SYN3: variants seen among roughly 807,000 people sequenced by gnomAD.
SYN3 encodes synapsin-3.
SYN3 carries 35 observed loss-of-function variants against 65.8 expected under a neutral mutation model. The ratio of observed to expected loss-of-function variants is 0.53; its 90% confidence interval spans 0.41 to 0.70. The LOEUF (loss-of-function observed/expected upper bound fraction) is 0.70, where lower values mean the gene tolerates loss of function less well. Among genes scored for constraint, SYN3 ranks in the 30% least tolerant of loss-of-function variants. The probability of loss-of-function intolerance (pLI) is 0.00; values close to 1 mark genes in which losing one functional copy is unlikely to be tolerated. For synonymous variants in SYN3, 270 were observed against 292.9 expected, an observed-to-expected ratio of 0.92 and a Z score of 0.80; for missense variants, 680 against 749.0, an observed-to-expected ratio of 0.91 and a Z score of 1.08.
rs116061752 is a variant in SYN3 at position 32,615,140 on chromosome 22, G to A, written c.712-18404C>T. Reference sequence around the variant, plus strand: ...AAGCTACAGATGGGAGGCCGGGTGCGAGTGGCTCATGCCTGTAATCCCAGC... The same window carrying A: ...AAGCTACAGATGGGAGGCCGGGTGCAAGTGGCTCATGCCTGTAATCCCAGC... On this transcript the variant is annotated intron_variant, in intron 6 of 13. Coordinates refer to ENST00000358763, the MANE Select transcript of SYN3 (RefSeq NM_003490.4). Among the ~76,000 whole-genome samples, 591 of 152,286 alleles carry A rather than the reference G, an allele frequency of 3.9e-3. 3 individuals carry two copies. The highest frequency in any genetic ancestry group is 0.013 in the African/African-American group (560 of 41,564).
intron 6 of SYN3, among the ~76,000 whole-genome samples, chr22:32,638,801 A>G (rs2059855311): frequency 6.6e-6 from 1 of 152,186 alleles, no homozygotes; most frequent in Non-Finnish European, 1.5e-5. Context: ...TTAGCTGTGC[A>G]GAAGTTCTTT....
chr22:32,933,159 T>C (rs539373265), intron 3 of SYN3, among the ~76,000 whole-genome samples: 2 of 152,322 alleles, frequency 1.3e-5, no homozygotes, highest in South Asian at 4.1e-4. Context: ...CTAAAATGCA[T>C]AGCACCAAAC....
At chr22:32,529,822 C>A (rs72620411) in intron 10 of SYN3, among the ~76,000 whole-genome samples, 7,987 of 152,260 alleles carry the variant, frequency 0.052, 546 homozygotes, top group East Asian at 0.33. Context: ...CATTCACCCA[C>A]GCCACCCCAT....
At chr22:32,539,905 T>C (rs1000727603) in intron 8 of SYN3, among the ~76,000 whole-genome samples, 8 of 151,920 alleles carry the variant, frequency 5.3e-5, no homozygotes, top group Admixed American at 1.3e-4. Context: ...CGCACTGGAA[T>C]GGGCCATAAC....
At chr22:32,824,312 A>G (rs2047340196) in intron 6 of SYN3, among the ~76,000 whole-genome samples, 2 of 150,956 alleles carry the variant, frequency 1.3e-5, no homozygotes, top group South Asian at 4.2e-4. Context: ...ATCTCTCCAT[A>G]ACTCCACCTG....
intron 10 of SYN3, 48 bp downstream of exon 10, chr22:32,533,745 G>C (rs778374544): frequency 7.3e-7 from 1 of 1,378,946 alleles, no homozygotes; most frequent in Non-Finnish European, 1.0e-6. Context: ...CCCCTGGCAC[G>C]CCTGCCAGGC....
chr22:33,045,469 T>C (rs1484770998), intron 1 of SYN3, among the ~76,000 whole-genome samples: 2 of 135,994 alleles, frequency 1.5e-5, no homozygotes, highest in Non-Finnish European at 3.2e-5. Flanking sequence ...CTTTTTTTTT[T>C]TTTTTTTTTT....
rs2050371270 is a variant in SYN3 at position 32,922,877 on chromosome 22, G to A, written c.461+8513C>T. 3.3e-5 allele frequency among the ~76,000 whole-genome samples: 5 copies of A among 152,170 alleles called. No individual in the cohort carries two copies. The South Asian group carries it at 8.3e-4, about 25-fold the overall frequency. Reference sequence around the variant, plus strand: ...GGAATCCTAGGTGCTGTTTGCCAAAGCAGAAGGAATGGAAGCTGGAGAAAG... The same window carrying A: ...GGAATCCTAGGTGCTGTTTGCCAAAACAGAAGGAATGGAAGCTGGAGAAAG... On this transcript the variant is annotated intron_variant, in intron 4 of 13. Transcript: ENST00000358763.
chr22:32,619,415 T>C (rs1449010255), intron 6 of SYN3, among the ~76,000 whole-genome samples: 1 of 152,144 alleles, frequency 6.6e-6, no homozygotes, highest in Non-Finnish European at 1.5e-5. Context: ...AGGTTTTGAA[T>C]TGGGTCAGAT....
intron 7 of SYN3, among the ~76,000 whole-genome samples, chr22:32,553,498 G>C (rs1304142212): frequency 6.6e-6 from 1 of 152,150 alleles, no homozygotes; most frequent in African/African-American, 2.4e-5. Context: ...AATAATGTAA[G>C]GTGATAGAAA....
intron 6 of SYN3, chr22:32,862,381 C>G (rs534327408): frequency 6.6e-6 from 1 of 152,236 alleles, no homozygotes; most frequent in Admixed American, 6.5e-5. Flanking sequence ...CTTTTACCCT[C>G]CCCTCGTTCC....
At chr22:32,992,549 A>G (rs2052749948) in intron 2 of SYN3, among the ~76,000 whole-genome samples, 1 of 152,170 alleles carries the variant, frequency 6.6e-6, no homozygotes, top group Admixed American at 6.5e-5. Context: ...GTGGTGGCTC[A>G]CGCCTGTAAT....
intron 7 of SYN3, among the ~76,000 whole-genome samples, chr22:32,587,689 C>A (rs952301113): frequency 1.3e-5 from 2 of 152,158 alleles, no homozygotes; most frequent in African/African-American, 4.8e-5. Context: ...GAGTCCAGGT[C>A]ACTTGGAGCT....
intron 2 of SYN3, among the ~76,000 whole-genome samples, chr22:33,005,182 AG>A (rs1439837934): frequency 6.6e-6 from 1 of 152,194 alleles, no homozygotes; most frequent in Non-Finnish European, 1.5e-5. Context: ...AGTCTCGGGC[AG>A]TTCTTCAGGC....
intron 2 of SYN3, among the ~76,000 whole-genome samples, chr22:32,995,062 C>T (rs570126987): frequency 3.9e-5 from 6 of 152,246 alleles, no homozygotes; most frequent in Non-Finnish European, 7.4e-5. Context: ...GGGACCAGAG[C>T]CCACAGTACC....
At chr22:32,963,683 G>A (rs2051732051) in intron 3 of SYN3, among the ~76,000 whole-genome samples, 2 of 152,120 alleles carry the variant, frequency 1.3e-5, no homozygotes, top group Non-Finnish European at 2.9e-5. Flanking sequence ...GGACCACTAA[G>A]CAGAGAGAGG....
chr22:32,608,707 T>C (rs924395854), intron 6 of SYN3, among the ~76,000 whole-genome samples: 1 of 152,206 alleles, frequency 6.6e-6, no homozygotes, highest in African/African-American at 2.4e-5. Flanking sequence ...TCAGTTCCTA[T>C]GGGGATATCC....
rs202086431 is a variant in SYN3, at chr22:32,995,808, ATGCG to A, written c.311+10540_311+10543del. On this transcript the variant is annotated intron_variant, in intron 2 of 13. Transcript: ENST00000358763. ...CTCCCAAGTAGCTGGGATTACAGGCATGCGCCACCACGCTCAGTTAATTTTTGTA... is the reference window on the plus strand; with the variant it reads ...CTCCCAAGTAGCTGGGATTACAGGCACCACCACGCTCAGTTAATTTTTGTA... Among the ~76,000 whole-genome samples, 1,237 of 152,252 alleles carry A rather than the reference ATGCG, an allele frequency of 8.1e-3. 18 individuals are homozygous for A. The highest frequency in any genetic ancestry group is 0.028 in the African/African-American group (1,169 of 41,524).
chr22:32,575,893 CA>C (rs58954908), intron 7 of SYN3, among the ~76,000 whole-genome samples: 3,000 of 150,916 alleles, frequency 0.02, 98 homozygotes, highest in African/African-American at 0.069. Flanking sequence ...ACAAAACAAA[CA>C]AAAAAAAACA....
Sources: gnomAD v4.1 joint callset for allele counts (sites outside exome capture counted in the v4.1 genomes callset) on GRCh38, gnomAD v4.1.1 for gene constraint, MANE v1.5 for transcripts, NCBI Gene and HGNC (gene_info 2026-07-23, HGNC 2026-07-21) for gene names.